Variants in PCDHGA8 observed in about 807,000 individuals in gnomAD.
PCDHGA8 encodes protocadherin gamma-A8.
In PCDHGA8, 45 loss-of-function variants were observed where a neutral mutation model predicts 59.2. The ratio of observed to expected loss-of-function variants is 0.76; its 90% CI spans 0.60 to 0.98. The LOEUF is 0.98. Ranked by LOEUF, PCDHGA8 falls within the 50% of genes least tolerant of loss-of-function variation. The pLI is 0.00. For synonymous variants in PCDHGA8, 531 were observed against 519.0 expected (o/e 1.02, Z -0.32); for missense variants, 1,257 against 1,196.2 (o/e 1.05, Z -0.75).
At chr5:141,467,748 G>A (rs186276272) in intron 1 of PCDHGA8, among the ~76,000 whole-genome samples, 22 of 151,912 alleles carry the variant, frequency 1.4e-4, no homozygotes, top group South Asian at 2.1e-4. Context: ...TGCAACCTCC[G>A]CCTCACATGC....
rs2093111243 is a variant in PCDHGA8 at position 141,394,840 on chromosome 5, G to GCA, written c.2028_2029dup (p.Ser677ThrfsTer3). ...ATCCCCGAAGTCCTGACCGAGTTGGGCAGTCTGAAGCCTTCGGTCGACCCG... is the reference window on the plus strand; with the variant it reads ...ATCCCCGAAGTCCTGACCGAGTTGGGCACAGTCTGAAGCCTTCGGTCGACCCG... On this transcript the variant is annotated frameshift_variant, in exon 1 of 4. Transcript: ENST00000398604. LOFTEE classifies it high-confidence loss of function. 1 of 1,613,834 alleles carries GCA rather than the reference G, an allele frequency of 6.2e-7. No homozygotes were observed.
chr5:141,487,884 A>G lies in PCDHGA8; in HGVS notation c.2425-6923A>G. 1.3e-6 allele frequency: 1 copy of G among 766,716 alleles called. No homozygotes were observed. Among genetic ancestry groups the G allele is most frequent in the Non-Finnish European group, 2.1e-6 (1 of 481,170 alleles). 47.5% of individuals were successfully genotyped at this position (766,716 alleles called of 1,614,324 possible). On this transcript the variant is annotated intron_variant, in intron 1 of 3. Transcript: ENST00000398604. The surrounding 1 kb of genome is among the most constrained non-coding windows in gnomAD (Gnocchi z 5.0). ...GTGATCAAGAGCCAGGCTGTTGTGG[A>G]AGCATGATGATGGAATGTGGGAGCA...
intron 1 of PCDHGA8, among the ~76,000 whole-genome samples, chr5:141,447,063 G>C (rs762309557): frequency 6.6e-6 from 1 of 152,028 alleles, no homozygotes; most frequent in South Asian, 2.1e-4. Context: ...AATGTGTCAG[G>C]CTGTTTTAAT....
intron 1 of PCDHGA8, chr5:141,478,760 C>T (rs1472984737): frequency 1.5e-5 from 23 of 1,510,888 alleles, no homozygotes; most frequent in Non-Finnish European, 1.9e-5. Context: ...GGGGAAGATA[C>T]TTGACTCATC....
Position 141,494,880 on chromosome 5 carries a change from C to T in PCDHGA8, c.2483+15C>T. On this transcript the variant is annotated intron_variant, in intron 2 of 3. Transcript: ENST00000398604. ...GGCACCAGCGGGTAGGTGACTGATT[C>T]TCCAGCCCACCCTCTTCTCTGCGGC... 3 of 1,614,158 alleles carry T rather than the reference C, an allele frequency of 1.9e-6. No homozygotes were observed. Among genetic ancestry groups the T allele is most frequent in the Non-Finnish European group, 1.7e-6 (2 of 1,180,012 alleles).
chr5:141,466,016 G>A (rs1592991828), intron 1 of PCDHGA8, among the ~76,000 whole-genome samples: 2 of 152,032 alleles, frequency 1.3e-5, no homozygotes, highest in East Asian at 3.9e-4. Flanking sequence ...CAGCTACTCG[G>A]GAGGGTGAGG....
rs371995922 is a variant in PCDHGA8 at position 141,395,132 on chromosome 5, C to T, written c.2319C>T (p.Pro773=). ...AGAGTCACCTGATCTTTCCCCAGCC[C>T]AACTACGCAGACATGCTCATCAGTC... ...SRKSHLIFPQ[P]NYADMLISQE... Residue 773 remains proline (P), a synonymous_variant, in exon 1 of 4, where the codon CCC becomes CCT. Transcript: ENST00000398604. 8.7e-6 allele frequency: 14 copies of T among 1,614,068 alleles called. No homozygotes were observed. The African/African-American group carries it at 1.6e-4, about 18-fold the overall frequency.
rs761126985 is a variant in PCDHGA8 at position 141,431,245 on chromosome 5, C to G, written c.2424+36008C>G. ...TACCCCACGCCTGGGATCCGGATAT[C>G]GGGAAGAACTCTCTGCAGAGCTACG... is the stretch of plus-strand genomic sequence containing the variant. On this transcript the variant is annotated intron_variant, in intron 1 of 3. Transcript: ENST00000398604. This position sits in a 1 kb window ranked among gnomAD's most constrained non-coding sequence, Gnocchi z 4.8. 1.2e-6 allele frequency: 2 copies of G among 1,614,016 alleles called. No homozygotes were observed. Among genetic ancestry groups the G allele is most frequent in the Non-Finnish European group, 1.7e-6 (2 of 1,180,046 alleles).
At chr5:141,418,233 A>T in intron 1 of PCDHGA8, 1 of 1,614,048 alleles carries the variant, frequency 6.2e-7, no homozygotes, top group Non-Finnish European at 8.5e-7. Flanking sequence ...GTGATTGAGG[A>T]TGTTAATGAC....
chr5:141,393,232 T>TA lies in PCDHGA8; in HGVS notation c.424dup (p.Ile142AsnfsTer2), dbSNP rs774547937. On this transcript the variant is annotated frameshift_variant, in exon 1 of 4. Coordinates refer to ENST00000398604, the MANE Select transcript of PCDHGA8 (RefSeq NM_032088.2). LOFTEE classifies it high-confidence loss of function. The stretch of plus-strand genomic sequence containing the variant: ...AAATTCCAGGTCGAAGATCTAGAAG[T>TA]AAAAATTAACGAAATCGCGGTTCCT... The TA allele has an allele frequency of 5.6e-6, 9 of 1,613,542 alleles. No homozygotes were observed. The African/African-American group carries it at 1.2e-4, about 22-fold the overall frequency.
intron 2 of PCDHGA8, among the ~76,000 whole-genome samples, chr5:141,502,654 C>T (rs1424933188): frequency 6.6e-6 from 1 of 152,230 alleles, no homozygotes; most frequent in South Asian, 2.1e-4. Context: ...TAGGCAGCAA[C>T]CCTTCATGCA....
At chr5:141,427,637 C>T (rs771573587) in intron 1 of PCDHGA8, 5 of 707,806 alleles carry the variant, frequency 7.1e-6, no homozygotes, top group Non-Finnish European at 1.3e-5. Context: ...CGGTTTTCCA[C>T]CAAGTCTCCT....
intron 1 of PCDHGA8, chr5:141,413,386 GTC>G: frequency 6.2e-7 from 1 of 1,614,002 alleles, no homozygotes; most frequent in Non-Finnish European, 8.5e-7. Context: ...AGTCCGCATA[GTC>G]TCCAGAGGTA....
Position 141,511,252 on chromosome 5 carries a change from G to C in PCDHGA8, c.*79G>C. 6.4e-7 allele frequency: 1 copy of C among 1,568,260 alleles called. No homozygotes were observed. The highest frequency in any genetic ancestry group is 8.6e-7 in the Non-Finnish European group (1 of 1,157,002). On this transcript the variant is annotated 3_prime_UTR_variant, in exon 4 of 4. Coordinates refer to ENST00000398604, the MANE Select transcript of PCDHGA8 (RefSeq NM_032088.2). ...TCTCCTTACCTGCACCCAGGCCTCA[G>C]AGTTTCAGGGCTAACCCCCAGAATA... is the stretch of plus-strand genomic sequence containing the variant.
At chr5:141,407,135 G>T (rs2094890312) in intron 1 of PCDHGA8, among the ~76,000 whole-genome samples, 1 of 151,812 alleles carries the variant, frequency 6.6e-6, no homozygotes, top group African/African-American at 2.4e-5. Context: ...TTATTTTTAA[G>T]AAAAAAAAGC....
At chr5:141,442,947 C>T (rs185574624) in intron 1 of PCDHGA8, among the ~76,000 whole-genome samples, 92 of 152,282 alleles carry the variant, frequency 6.0e-4, no homozygotes, top group African/African-American at 1.7e-3. Flanking sequence ...AACTTCCTCT[C>T]ACTGCAAAAA....
chr5:141,473,148 C>T (rs1381616255), intron 1 of PCDHGA8, among the ~76,000 whole-genome samples: 1 of 152,184 alleles, frequency 6.6e-6, no homozygotes, highest in Non-Finnish European at 1.5e-5. Flanking sequence ...CTCTTCAGAT[C>T]ACTAGGGCTA....
chr5:141,432,386 A>C lies in PCDHGA8; in HGVS notation c.2424+37149A>C. 1 of 1,614,204 alleles carries C rather than the reference A, an allele frequency of 6.2e-7. No homozygotes were observed. Among genetic ancestry groups the C allele is most frequent in the Non-Finnish European group, 8.5e-7 (1 of 1,180,032 alleles). ...GCGGGACAACGGGCACCCGCCCCTC[A>C]GCAGCAACGTGTCGTTGAGCCTGTT... On this transcript the variant is annotated intron_variant, in intron 1 of 3. Transcript: ENST00000398604. This position sits in a 1 kb window ranked among gnomAD's most constrained non-coding sequence, Gnocchi z 6.0.
rs149653507 is a variant in PCDHGA8 at position 141,469,869 on chromosome 5, G to A, written c.2425-24938G>A. Among the ~76,000 whole-genome samples, 591 of 152,290 alleles carry A rather than the reference G, an allele frequency of 3.9e-3. 6 individuals are homozygous for A. Among genetic ancestry groups the A allele is most frequent in the Admixed American group, 0.011 (171 of 15,304 alleles). On this transcript the variant is annotated intron_variant, in intron 1 of 3. Transcript: ENST00000398604. ...ATTCAGACCGGGTGCAATGGCTCACGCCTGTAATCTCGGCACTTTGGGAAG... is the reference window on the plus strand; with the variant it reads ...ATTCAGACCGGGTGCAATGGCTCACACCTGTAATCTCGGCACTTTGGGAAG...
Sources: allele counts gnomAD v4.1 joint callset (sites outside exome capture counted in the v4.1 genomes callset), GRCh38; gene constraint gnomAD v4.1.1; non-coding constraint Gnocchi (gnomAD v3.1); transcripts MANE v1.5; gene names NCBI Gene and HGNC (gene_info 2026-07-23, HGNC 2026-07-21).